ZBED6: variants seen among roughly 807,000 people sequenced by gnomAD.
ZBED6 encodes zinc finger BED-type containing 6.
Under a neutral mutation model 58.4 loss-of-function variants are expected in ZBED6, and 40 were observed. The observed-to-expected ratio is 0.68, with a 90% CI of 0.53 to 0.89. ZBED6 has a LOEUF of 0.89. Ranked by LOEUF, ZBED6 falls within the 40% of genes least tolerant of loss-of-function variation. ZBED6 has a pLI of 0.00. For missense variants in ZBED6, 1,057 were observed against 1,003.9 expected, an observed-to-expected ratio of 1.05 and a Z score of -0.71; for synonymous variants, 439 against 350.6, an observed-to-expected ratio of 1.25 and a Z score of -2.82.
chr1:203,852,056 T>G, intron 16 of ZBED6, 85 bp from the exon 17 acceptor site: 5 of 1,491,462 alleles, frequency 3.4e-6, no homozygotes, highest in Non-Finnish European at 4.6e-6. Context: ...AACAAATTTT[T>G]GCTCACTTTG....
rs1677911287 is a variant in ZBED6, at chr1:203,819,855, A to T, written c.*2873+1166A>T. Among the ~76,000 whole-genome samples, 3 of 151,856 alleles carry T rather than the reference A, an allele frequency of 2.0e-5. No individual in the cohort carries two copies. The South Asian group carries it at 6.2e-4, about 32-fold the overall frequency. On this transcript the variant is annotated intron_variant, in intron 3 of 16. Coordinates refer to ENST00000550078, the Ensembl canonical transcript of ZBED6. ...AGCCGACTCCAGCAATTTTTTTAAA[A>T]AGATTAACATTGATATATTACCATC...
In ZBED6 at chr1:203,817,132, T is replaced by C; in HGVS notation, c.*2753+8T>C. Reference sequence around the variant, plus strand: ...TATTCCACATGTACCAAAGTAAGAATTGACATCTTTAAATCAGTTCTTTCT... The same window carrying C: ...TATTCCACATGTACCAAAGTAAGAACTGACATCTTTAAATCAGTTCTTTCT... On this transcript the variant is annotated splice_region_variant and intron_variant, in intron 2 of 16. Transcript: ENST00000550078. 2 of 1,602,064 alleles carry C rather than the reference T, an allele frequency of 1.2e-6. No homozygotes were observed. The highest frequency in any genetic ancestry group is 1.7e-6 in the Non-Finnish European group (2 of 1,173,310).
chr1:203,842,536 G>A (rs894371824), intron 11 of ZBED6, among the ~76,000 whole-genome samples: 21 of 151,428 alleles, frequency 1.4e-4, no homozygotes, highest in Non-Finnish European at 1.6e-4. Flanking sequence ...GCAGTGAGCC[G>A]AGATGGCAGC....
At chr1:203,797,506 G>C in exon 1 of ZBED6, 1 of 1,474,716 alleles carries the variant, frequency 6.8e-7, no homozygotes, top group East Asian at 2.5e-5. Flanking sequence ...GGTACGAATT[G>C]TGGAGACATA....
In ZBED6 at chr1:203,816,866, G is replaced by T. The variant is rs79952126; in HGVS notation, c.*2555-60G>T. 2.7e-3 allele frequency: 1,309 copies of T among 492,676 alleles called. 28 individuals carry two copies. The East Asian group carries it at 0.035, about 13-fold the overall frequency. The allele number at this position is 492,676 out of a possible 1,614,324, so 30.5% of individuals were successfully genotyped here. A position where few individuals can be genotyped will look rare whatever the true frequency, so the allele number is the denominator to read the frequency against. On this transcript the variant is annotated intron_variant, in intron 1 of 16. Transcript: ENST00000550078. ...TAGCAATACGATCTCATTAGCCATG[G>T]TGATTTGAAGGAGGAAGAATTTACC...
intron 10 of ZBED6, 63 bp downstream of exon 10, chr1:203,838,127 T>C (rs2103173511): frequency 4.1e-6 from 6 of 1,458,514 alleles, no homozygotes; most frequent in Middle Eastern, 1.8e-4. Flanking sequence ...CTTGTAATGC[T>C]AACAGCTATG....
At chr1:203,802,732 T>G (rs999743685) in exon 1 of ZBED6, 5 of 146,094 alleles carry the variant, frequency 3.4e-5, no homozygotes, top group African/African-American at 1.2e-4. Flanking sequence ...TTGTTTTTTT[T>G]TTGTTTTGTT....
In ZBED6 at chr1:203,805,934, C is replaced by T. The variant is rs192672142; in HGVS notation, c.*2554+2918C>T. 3.2e-4 allele frequency: 208 copies of T among 651,082 alleles called. 1 individual carries two copies. In the East Asian group the frequency reaches 6.3e-3, roughly 20 times the overall value. 40.3% of individuals were successfully genotyped at this position (651,082 alleles called of 1,614,324 possible). ...TGCTTGTCTACCTTCATTTCCTTTGCTCCCAGTTTCATAGCATCAACCGTG... is the reference window on the plus strand; with the variant it reads ...TGCTTGTCTACCTTCATTTCCTTTGTTCCCAGTTTCATAGCATCAACCGTG... On this transcript the variant is annotated intron_variant, in intron 1 of 16. Coordinates refer to ENST00000550078, the Ensembl canonical transcript of ZBED6.
intron 11 of ZBED6, among the ~76,000 whole-genome samples, chr1:203,841,088 A>G (rs1685984369): frequency 6.6e-6 from 1 of 152,044 alleles, no homozygotes; most frequent in Non-Finnish European, 1.5e-5. Context: ...GTGAAGAAAG[A>G]TAACAGAGAG....
intron 3 of ZBED6, among the ~76,000 whole-genome samples, chr1:203,825,088 A>AG (rs1343790842): frequency 1.3e-5 from 2 of 151,540 alleles, no homozygotes; most frequent in East Asian, 3.9e-4. Flanking sequence ...AAAAAAAAAA[A>AG]AAAAAAAGAA....
At chr1:203,851,185 A>G in intron 16 of ZBED6, 61 bp downstream of exon 16, 2 of 1,444,690 alleles carry the variant, frequency 1.4e-6, no homozygotes, top group South Asian at 1.2e-5. Context: ...TAGGCTCTCT[A>G]GAGAATAACA....
At chr1:203,853,703 T>A (rs1028046432) in exon 17 of ZBED6, 4 of 152,644 alleles carry the variant, frequency 2.6e-5, no homozygotes, top group African/African-American at 9.6e-5. Context: ...GAGTTGAACT[T>A]CACGTAGCCT....
intron 3 of ZBED6, among the ~76,000 whole-genome samples, chr1:203,819,077 A>AT (rs1169936997): frequency 0.14 from 18,006 of 132,518 alleles, 1,570 homozygotes; most frequent in East Asian, 0.33. Context: ...CAAAAAAAAA[A>AT]ATATATATAT....
intron 9 of ZBED6, among the ~76,000 whole-genome samples, chr1:203,835,407 A>G (rs766132778): frequency 2.2e-4 from 34 of 152,238 alleles, no homozygotes; most frequent in Non-Finnish European, 4.3e-4. Flanking sequence ...CACGTTATAC[A>G]GTCATTTACG....
intron 3 of ZBED6, among the ~76,000 whole-genome samples, chr1:203,819,067 CAAA>C (rs747588582): frequency 7.2e-5 from 7 of 97,212 alleles, no homozygotes; most frequent in East Asian, 2.8e-4. Flanking sequence ...CACTCCGTCT[CAAA>C]AAAAAAAATA....
intron 7 of ZBED6, among the ~76,000 whole-genome samples, chr1:203,830,419 G>A (rs1681868127): frequency 6.6e-6 from 1 of 152,186 alleles, no homozygotes; most frequent in African/African-American, 2.4e-5. Context: ...TAAAGAATCT[G>A]AAAGAACTTG....
chr1:203,830,925 A>ATTTTTT (rs774771270), intron 7 of ZBED6, among the ~76,000 whole-genome samples: 25 of 51,378 alleles, frequency 4.9e-4, no homozygotes, highest in African/African-American at 9.9e-4. Flanking sequence ...CCAACCCCCA[A>ATTTTTT]TTTTTTTTTT....
intron 12 of ZBED6, among the ~76,000 whole-genome samples, chr1:203,847,982 A>G (rs542354549): frequency 5.3e-5 from 8 of 152,206 alleles, no homozygotes; most frequent in African/African-American, 1.7e-4. Context: ...CAGCCTCCCA[A>G]GTAGCTGGGG....
chr1:203,811,822 CTT>C (rs766087522), intron 1 of ZBED6, among the ~76,000 whole-genome samples: 18 of 133,370 alleles, frequency 1.3e-4, no homozygotes, highest in Admixed American at 2.3e-4. Flanking sequence ...TTGTCTTTTT[CTT>C]TTTTTTTTTT....
Sources: gnomAD v4.1 joint callset for allele counts (sites outside exome capture counted in the v4.1 genomes callset) on GRCh38, gnomAD v4.1.1 for gene constraint, MANE v1.5 for transcripts, NCBI Gene and HGNC (gene_info 2026-07-23, HGNC 2026-07-21) for gene names.